Variants in FHIT observed in about 807,000 individuals in gnomAD.
FHIT encodes fragile histidine triad diadenosine triphosphatase.
FHIT carries 19 observed loss-of-function variants against 17.9 expected under a neutral mutation model. The observed-to-expected ratio is 1.06, with a 90% CI of 0.74 to 1.56. The LOEUF is 1.56. Among genes scored for constraint, FHIT ranks in the 40% most tolerant of loss-of-function variants. The probability of loss-of-function intolerance (pLI) is 0.00; values close to 1 mark genes in which losing one functional copy is unlikely to be tolerated. For missense variants in FHIT, 248 were observed against 189.2 expected (o/e 1.31, Z -1.82); for synonymous variants, 81 against 69.7 (o/e 1.16, Z -0.81).
chr3:59,903,933 C>A (rs2107096615), intron 8 of FHIT, among the ~76,000 whole-genome samples: 1 of 152,218 alleles, frequency 6.6e-6, no homozygotes. Flanking sequence ...TAAGGAAAGC[C>A]ATCCTGCCAG....
intron 5 of FHIT, among the ~76,000 whole-genome samples, chr3:60,279,891 G>T (rs1707347305): frequency 6.6e-6 from 1 of 151,846 alleles, no homozygotes; most frequent in African/African-American, 2.4e-5. Flanking sequence ...AATTAGCCAG[G>T]TATGGTGGCA....
chr3:60,198,671 C>T (rs1702756637), intron 5 of FHIT, among the ~76,000 whole-genome samples: 1 of 152,158 alleles, frequency 6.6e-6, no homozygotes, highest in South Asian at 2.1e-4. Flanking sequence ...TCACCGTCAA[C>T]TTATGGTTAT....
At chr3:60,707,954 C>T (rs1360283627) in intron 4 of FHIT, among the ~76,000 whole-genome samples, 5 of 152,128 alleles carry the variant, frequency 3.3e-5, no homozygotes, top group Admixed American at 1.3e-4. Flanking sequence ...CATTTTGTTA[C>T]GTGAATACGC....
At chr3:59,969,331 T>A (rs1345200425) in intron 7 of FHIT, among the ~76,000 whole-genome samples, 1 of 152,170 alleles carries the variant, frequency 6.6e-6, no homozygotes, top group East Asian at 1.9e-4. Context: ...GGTTGCAGTC[T>A]GTAAGTGAAA....
intron 5 of FHIT, among the ~76,000 whole-genome samples, chr3:60,282,885 G>T (rs1387011611): frequency 6.6e-6 from 1 of 152,104 alleles, no homozygotes; most frequent in Non-Finnish European, 1.5e-5. Context: ...TCTTATGGCT[G>T]CTAAGATATC....
Position 61,134,742 on chromosome 3 carries a change from TA to T in FHIT, c.-164+65874del, listed in dbSNP as rs547359069. On this transcript the variant is annotated intron_variant, in intron 2 of 9. Transcript: ENST00000492590. Reference sequence around the variant, plus strand: ...TAAAAAGGGAAGAGCAAAAGCCAACTAAGGGTACATTATCAAGTTTACCACT... The same window carrying T: ...TAAAAAGGGAAGAGCAAAAGCCAACTAGGGTACATTATCAAGTTTACCACT... Among the ~76,000 whole-genome samples, 220 of 152,152 alleles carry T rather than the reference TA, an allele frequency of 1.4e-3. 1 individual carries two copies. The highest frequency in any genetic ancestry group is 5.0e-3 in the African/African-American group (206 of 41,530).
At chr3:60,276,973 A>G (rs907212114) in intron 5 of FHIT, among the ~76,000 whole-genome samples, 1 of 152,034 alleles carries the variant, frequency 6.6e-6, no homozygotes, top group Non-Finnish European at 1.5e-5. Context: ...AGGCCACTCA[A>G]CCAACAATGG....
At position 60,470,549 on chromosome 3, in the gene FHIT, G is replaced by A. The variant is rs926451127; in HGVS notation, c.103+66311C>T. ...CAATGACATTCACTCGAGGTCCAAG[G>A]GCTCTTCAGTGAGCTTGTGGTGAAT... On this transcript the variant is annotated intron_variant, in intron 5 of 9. Coordinates refer to ENST00000492590, the MANE Select transcript of FHIT (RefSeq NM_002012.4). 1.1e-4 allele frequency among the ~76,000 whole-genome samples: 17 copies of A among 151,866 alleles called. No homozygotes were observed. In the South Asian group the frequency reaches 3.3e-3, roughly 30 times the overall value.
At chr3:60,793,593 G>T (rs1553729234) in intron 4 of FHIT, among the ~76,000 whole-genome samples, 1 of 152,218 alleles carries the variant, frequency 6.6e-6, no homozygotes, top group Non-Finnish European at 1.5e-5. Context: ...ATGAGCCATA[G>T]CGCCCAGACA....
intron 5 of FHIT, among the ~76,000 whole-genome samples, chr3:60,515,324 T>C (rs528171139): frequency 6.6e-6 from 1 of 152,222 alleles, no homozygotes; most frequent in East Asian, 1.9e-4. Flanking sequence ...CACCACTGGA[T>C]GTGGTGGGAG....
chr3:59,902,816 G>A (rs531272726), intron 8 of FHIT, among the ~76,000 whole-genome samples: 27 of 152,250 alleles, frequency 1.8e-4, no homozygotes, highest in African/African-American at 5.8e-4. Flanking sequence ...GAATAATCTG[G>A]TCAAGGGTAC....
intron 1 of FHIT, among the ~76,000 whole-genome samples, chr3:61,206,503 G>A (rs1458903131): frequency 6.6e-6 from 1 of 152,106 alleles, no homozygotes; most frequent in South Asian, 2.1e-4. Flanking sequence ...TTGAGCAGTG[G>A]TTTGTAGTTC....
chr3:60,510,945 T>C (rs773847126), intron 5 of FHIT, among the ~76,000 whole-genome samples: 46 of 152,294 alleles, frequency 3.0e-4, no homozygotes, highest in Admixed American at 1.2e-3. Context: ...CTAATGTTAA[T>C]GACAAACCAA....
chr3:60,886,504 T>C (rs556582793), intron 3 of FHIT, among the ~76,000 whole-genome samples: 2 of 152,288 alleles, frequency 1.3e-5, no homozygotes, highest in South Asian at 4.1e-4. Context: ...AAATATCACA[T>C]TGACTTCTGG....
intron 4 of FHIT, among the ~76,000 whole-genome samples, chr3:60,818,126 C>T (rs1326108276): frequency 6.6e-6 from 1 of 152,040 alleles, no homozygotes; most frequent in Non-Finnish European, 1.5e-5. Context: ...TTTCTGTTTA[C>T]TACCTTCTTA....
intron 4 of FHIT, among the ~76,000 whole-genome samples, chr3:60,616,559 G>C (rs1382231343): frequency 6.6e-6 from 1 of 152,090 alleles, no homozygotes; most frequent in Non-Finnish European, 1.5e-5. Flanking sequence ...ATTGGGACTT[G>C]AAATTAAAAA....
chr3:59,797,349 G>A (rs1230394198), intron 8 of FHIT, among the ~76,000 whole-genome samples: 8 of 151,956 alleles, frequency 5.3e-5, no homozygotes, highest in Admixed American at 3.9e-4. Flanking sequence ...ACCATGCCTG[G>A]CTAATTTTTG....
intron 2 of FHIT, among the ~76,000 whole-genome samples, chr3:61,045,823 T>C (rs1175290561): frequency 6.6e-6 from 1 of 152,000 alleles, no homozygotes; most frequent in East Asian, 1.9e-4. Flanking sequence ...CTAGAAATCA[T>C]AATCAAGAAA....
chr3:60,476,569 A>T (rs1285445182), intron 5 of FHIT, among the ~76,000 whole-genome samples: 1 of 152,158 alleles, frequency 6.6e-6, no homozygotes, highest in Non-Finnish European at 1.5e-5. Flanking sequence ...GGGAGCACTG[A>T]CTAGGGAAAG....
Sources: allele counts gnomAD v4.1 joint callset (sites outside exome capture counted in the v4.1 genomes callset), GRCh38; gene constraint gnomAD v4.1.1; transcripts MANE v1.5; gene names NCBI Gene and HGNC (gene_info 2026-07-23, HGNC 2026-07-21).